Variants in MLLT3 observed in about 807,000 individuals in gnomAD.
The protein encoded by MLLT3 is protein AF-9.
Under a neutral mutation model 53.2 loss-of-function variants are expected in MLLT3, and 4 were observed. That is an observed-to-expected ratio of 0.08 (90% CI 0.04 to 0.17). The LOEUF (loss-of-function observed/expected upper bound fraction) is 0.17. Among genes scored for constraint, MLLT3 ranks in the 10% least tolerant of loss-of-function variants. The pLI, the probability that MLLT3 is intolerant of heterozygous loss-of-function variation, is 1.00. For synonymous variants in MLLT3, 283 were observed against 230.6 expected (o/e 1.23, Z -2.06); for missense variants, 569 against 684.0 (o/e 0.83, Z 1.87).
chr9:20,485,455 T>C (rs996710608), intron 2 of MLLT3, among the ~76,000 whole-genome samples: 9 of 152,262 alleles, frequency 5.9e-5, no homozygotes, highest in Non-Finnish European at 1.2e-4. Flanking sequence ...TTTTGGCTAA[T>C]TGGCTCCTAG....
intron 4 of MLLT3, among the ~76,000 whole-genome samples, chr9:20,440,569 G>C (rs927983869): frequency 1.3e-5 from 2 of 152,056 alleles, no homozygotes; most frequent in African/African-American, 2.4e-5. Flanking sequence ...AGTCAAAATA[G>C]GCATCTGCAC....
Position 20,622,315 on chromosome 9 carries a change from C to T in MLLT3, c.-59G>A, listed in dbSNP as rs1349857126. 3 of 1,460,830 alleles carry T rather than the reference C, an allele frequency of 2.1e-6. No individual in the cohort carries two copies. Among genetic ancestry groups the T allele is most frequent in the Middle Eastern group, 1.8e-4 (1 of 5,506 alleles). 90.5% of individuals were successfully genotyped at this position (1,460,830 alleles called of 1,614,324 possible). A position where few individuals can be genotyped will look rare whatever the true frequency, so the allele number is the denominator to read the frequency against. On this transcript the variant is annotated 5_prime_UTR_variant, in exon 1 of 11. Coordinates refer to ENST00000380338, the MANE Select transcript of MLLT3 (RefSeq NM_004529.4). Reference sequence around the variant, plus strand: ...GTGGTACCCCCCCCTCCTCCGCCCCCCCTCAGCTGTAATTCATGAAGAGGC... The same window carrying T: ...GTGGTACCCCCCCCTCCTCCGCCCCTCCTCAGCTGTAATTCATGAAGAGGC...
intron 2 of MLLT3, among the ~76,000 whole-genome samples, chr9:20,585,579 C>A (rs576087795): frequency 6.6e-6 from 1 of 152,320 alleles, no homozygotes; most frequent in South Asian, 2.1e-4. Context: ...TCCTTCCCAG[C>A]ACTTGATTCT....
At chr9:20,528,195 A>G (rs1271986396) in intron 2 of MLLT3, among the ~76,000 whole-genome samples, 1 of 152,254 alleles carries the variant, frequency 6.6e-6, no homozygotes, top group Non-Finnish European at 1.5e-5. Context: ...TATCTCAATC[A>G]CATTAAGATT....
At chr9:20,592,578 A>C (rs1300592521) in intron 2 of MLLT3, among the ~76,000 whole-genome samples, 1 of 152,188 alleles carries the variant, frequency 6.6e-6, no homozygotes, top group African/African-American at 2.4e-5. Flanking sequence ...TTCTACCTCC[A>C]AATAGTCATT....
chr9:20,369,795 C>G (rs1821548830), intron 5 of MLLT3, among the ~76,000 whole-genome samples: 1 of 152,134 alleles, frequency 6.6e-6, no homozygotes, highest in African/African-American at 2.4e-5. Flanking sequence ...ATATGAAGAT[C>G]TTTATATGAA....
At chr9:20,414,511 T>G (rs1822824967) in intron 4 of MLLT3, 86 bp from the exon 5 acceptor site, 2 of 1,567,588 alleles carry the variant, frequency 1.3e-6, no homozygotes, top group Non-Finnish European at 1.7e-6. Flanking sequence ...TGATCCTTCT[T>G]TGATTCCTCT....
intron 2 of MLLT3, among the ~76,000 whole-genome samples, chr9:20,470,304 T>G (rs548188033): frequency 3.7e-4 from 56 of 152,156 alleles, no homozygotes; most frequent in African/African-American, 1.3e-3. Context: ...GGAGGCATTA[T>G]AATCCCATCT....
intron 4 of MLLT3, among the ~76,000 whole-genome samples, chr9:20,434,054 G>A (rs918843852): frequency 6.6e-6 from 1 of 152,112 alleles, no homozygotes; most frequent in Non-Finnish European, 1.5e-5. Context: ...CTGGGAAGCG[G>A]AGGTTGCAGT....
chr9:20,598,984 G>A lies in MLLT3; in HGVS notation c.193+21670C>T, dbSNP rs142829218. Among the ~76,000 whole-genome samples the A allele has an allele frequency of 8.8e-4, 134 of 152,286 alleles. 3 individuals are homozygous for A. The East Asian group carries it at 0.017, about 20-fold the overall frequency. The stretch of plus-strand genomic sequence containing the variant: ...ATTAAGAGATGTGCCAAATTTCCAC[G>A]TATCCAGAGGACTCAAATCATTAGA... On this transcript the variant is annotated intron_variant, in intron 2 of 10. Transcript: ENST00000380338.
At chr9:20,554,674 T>C (rs987734389) in intron 2 of MLLT3, among the ~76,000 whole-genome samples, 1 of 152,228 alleles carries the variant, frequency 6.6e-6, no homozygotes, top group Non-Finnish European at 1.5e-5. Flanking sequence ...CTACTTTCCC[T>C]CTGTAAAATA....
At chr9:20,502,830 T>A (rs1825281989) in intron 2 of MLLT3, among the ~76,000 whole-genome samples, 1 of 152,192 alleles carries the variant, frequency 6.6e-6, no homozygotes, top group Admixed American at 6.5e-5. Flanking sequence ...TTAGAACTAA[T>A]AAATAAATTC....
At chr9:20,434,374 G>A (rs980076608) in intron 4 of MLLT3, among the ~76,000 whole-genome samples, 7 of 152,278 alleles carry the variant, frequency 4.6e-5, no homozygotes, top group African/African-American at 1.4e-4. Context: ...TGTATTACAA[G>A]TGTAAATGTG....
intron 2 of MLLT3, among the ~76,000 whole-genome samples, chr9:20,618,583 A>G (rs190708334): frequency 6.6e-6 from 1 of 152,218 alleles, no homozygotes; most frequent in African/African-American, 2.4e-5. Flanking sequence ...GACTGCATAG[A>G]GAACCTCCAC....
intron 2 of MLLT3, among the ~76,000 whole-genome samples, chr9:20,580,849 G>A (rs1387772315): frequency 6.6e-6 from 1 of 152,134 alleles, no homozygotes; most frequent in African/African-American, 2.4e-5. Flanking sequence ...CAGTTCAGAG[G>A]AACTGAACCA....
At chr9:20,480,621 C>G (rs577432364) in intron 2 of MLLT3, among the ~76,000 whole-genome samples, 69 of 152,328 alleles carry the variant, frequency 4.5e-4, no homozygotes, top group South Asian at 8.3e-4. Context: ...GAGCTAGGCA[C>G]TTCAGAGCAA....
chr9:20,422,711 A>G (rs577482299), intron 4 of MLLT3, among the ~76,000 whole-genome samples: 1 of 152,186 alleles, frequency 6.6e-6, no homozygotes, highest in Admixed American at 6.5e-5. Context: ...TAGCAGCCGC[A>G]AAGAGTAGTG....
chr9:20,500,260 G>T (rs1231664290), intron 2 of MLLT3, among the ~76,000 whole-genome samples: 1 of 152,192 alleles, frequency 6.6e-6, no homozygotes, highest in Non-Finnish European at 1.5e-5. Flanking sequence ...TCTTCTCAGG[G>T]CCCTTGGTCT....
chr9:20,380,939 C>A (rs1441173583), intron 5 of MLLT3, among the ~76,000 whole-genome samples: 1 of 151,960 alleles, frequency 6.6e-6, no homozygotes, highest in Non-Finnish European at 1.5e-5. Context: ...ATGAACTGAG[C>A]AAACTGCAGA....
Sources: allele counts gnomAD v4.1 joint callset (sites outside exome capture counted in the v4.1 genomes callset), GRCh38; gene constraint gnomAD v4.1.1; transcripts MANE v1.5; gene names NCBI Gene and HGNC (gene_info 2026-07-23, HGNC 2026-07-21).